Variants in BACH2 observed in about 807,000 individuals in gnomAD.
BACH2 encodes the protein transcription regulator protein BACH2.
Under a neutral mutation model 61.8 loss-of-function variants are expected in BACH2, and 5 were observed. That is an observed-to-expected ratio of 0.08 (90% CI 0.04 to 0.17). The LOEUF is 0.17. Ranked by LOEUF, BACH2 falls within the 10% of genes least tolerant of loss-of-function variation. The pLI is 1.00. For missense variants in BACH2, 824 were observed against 1,091.1 expected (o/e 0.76, Z 3.45); for synonymous variants, 446 against 440.1 (o/e 1.01, Z -0.17).
rs577183094 is a variant in BACH2, at chr6:90,054,180, C to T, written c.-13+34781G>A. ...AAGCAGGGGGAGGCATCGCCTCACT[C>T]GGGAAGTGCAAGGGGTCAGGGAATT... On this transcript the variant is annotated intron_variant, in intron 5 of 8. Transcript: ENST00000257749. Among the ~76,000 whole-genome samples, 34 of 152,170 alleles carry T rather than the reference C, an allele frequency of 2.2e-4. No individual in the cohort carries two copies. In the Middle Eastern group the frequency reaches 0.01, roughly 46 times the overall value.
chr6:89,994,053 G>A (rs1310992819), intron 6 of BACH2, among the ~76,000 whole-genome samples: 1 of 152,130 alleles, frequency 6.6e-6, no homozygotes, highest in African/African-American at 2.4e-5. Flanking sequence ...TGTACATTAT[G>A]CTTATTGAGT....
intron 4 of BACH2, among the ~76,000 whole-genome samples, chr6:90,171,299 G>A (rs1767803452): frequency 6.6e-6 from 1 of 152,018 alleles, no homozygotes; most frequent in African/African-American, 2.4e-5. Context: ...CGTAGTCTCA[G>A]CTAGTTGGGA....
rs149421027 is a variant in BACH2, at chr6:90,222,758, T to C, written c.-274-16077A>G. Among the ~76,000 whole-genome samples the C allele has an allele frequency of 3.2e-4, 49 of 152,266 alleles. No individual in the cohort carries two copies. The East Asian group carries it at 5.2e-3, about 16-fold the overall frequency. ...TTCTTTATGTCTCCTTGCCCCTAGT[T>C]TCAGTAAACAACCCCCTCTTAGCCT... is the stretch of plus-strand genomic sequence containing the variant. On this transcript the variant is annotated intron_variant, in intron 3 of 8. Coordinates refer to ENST00000257749, the MANE Select transcript of BACH2 (RefSeq NM_021813.4).
chr6:90,216,054 G>C (rs1047771812), intron 3 of BACH2, among the ~76,000 whole-genome samples: 7 of 152,256 alleles, frequency 4.6e-5, no homozygotes, highest in Admixed American at 2.0e-4. Flanking sequence ...AATGCAACAA[G>C]GGCACAACCA....
chr6:90,218,731 G>A (rs1485149855), intron 3 of BACH2, among the ~76,000 whole-genome samples: 1 of 152,052 alleles, frequency 6.6e-6, no homozygotes, highest in African/African-American at 2.4e-5. Context: ...GAAACGGGCC[G>A]TGAAAAGCAG....
intron 6 of BACH2, among the ~76,000 whole-genome samples, chr6:89,969,366 T>C (rs1021648871): frequency 1.3e-5 from 2 of 152,104 alleles, no homozygotes; most frequent in African/African-American, 4.8e-5. Flanking sequence ...AAATGTAGTC[T>C]TAAGAAGGTA....
intron 2 of BACH2, among the ~76,000 whole-genome samples, chr6:90,262,168 C>G (rs1366252851): frequency 2.6e-5 from 4 of 152,192 alleles, no homozygotes; most frequent in African/African-American, 9.7e-5. Context: ...ACTACCTTCT[C>G]CATGTTCCCA....
intron 4 of BACH2, among the ~76,000 whole-genome samples, chr6:90,096,800 C>T (rs1230161403): frequency 6.6e-6 from 1 of 152,198 alleles, no homozygotes; most frequent in Non-Finnish European, 1.5e-5. Context: ...GACATAGCCT[C>T]TTCTTCCCCA....
chr6:90,224,137 C>T (rs2127857407), intron 3 of BACH2, among the ~76,000 whole-genome samples: 1 of 152,268 alleles, frequency 6.6e-6, no homozygotes, highest in South Asian at 2.1e-4. Context: ...TCATAATATG[C>T]CTCAAAACTA....
intron 6 of BACH2, among the ~76,000 whole-genome samples, chr6:90,005,898 G>C (rs986819795): frequency 6.6e-6 from 1 of 152,156 alleles, no homozygotes; most frequent in African/African-American, 2.4e-5. Flanking sequence ...ATTTTACAGG[G>C]GGAGGAAGAA....
intron 6 of BACH2, among the ~76,000 whole-genome samples, chr6:89,968,703 A>C (rs1775180442): frequency 6.6e-6 from 1 of 152,206 alleles, no homozygotes; most frequent in Non-Finnish European, 1.5e-5. Context: ...AAGAAGCAAA[A>C]AATGTAGTTT....
intron 3 of BACH2, among the ~76,000 whole-genome samples, chr6:90,217,282 C>T (rs1374053748): frequency 1.3e-5 from 2 of 152,082 alleles, no homozygotes; most frequent in African/African-American, 2.4e-5. Flanking sequence ...GGAGTTTATA[C>T]GTGAAGTTCT....
At chr6:90,004,188 T>A (rs1345047548) in intron 6 of BACH2, among the ~76,000 whole-genome samples, 1 of 152,228 alleles carries the variant, frequency 6.6e-6, no homozygotes, top group Non-Finnish European at 1.5e-5. Flanking sequence ...ATGTTCTTTA[T>A]TGCAGCCTGT....
At chr6:89,948,933 T>C (rs1773908983) in intron 7 of BACH2, among the ~76,000 whole-genome samples, 1 of 152,112 alleles carries the variant, frequency 6.6e-6, no homozygotes, top group Non-Finnish European at 1.5e-5. Context: ...GCTAGGCAGT[T>C]AAGAGAGGGG....
chr6:90,282,150 ATGTT>A (rs1771876138), intron 1 of BACH2, among the ~76,000 whole-genome samples: 1 of 152,086 alleles, frequency 6.6e-6, no homozygotes, highest in Non-Finnish European at 1.5e-5. Context: ...TTCTTTGAAT[ATGTT>A]TGTCCATGTT....
Position 89,973,895 on chromosome 6 carries a change from TATTTCAG to T in BACH2, c.244-22040_244-22034del, listed in dbSNP as rs372794518. Among the ~76,000 whole-genome samples the T allele has an allele frequency of 6.9e-3, 1,048 of 152,286 alleles. 16 individuals are homozygous for T. The highest frequency in any genetic ancestry group is 0.023 in the African/African-American group (945 of 41,538). On this transcript the variant is annotated intron_variant, in intron 6 of 8. Coordinates refer to ENST00000257749, the MANE Select transcript of BACH2 (RefSeq NM_021813.4). ...AAGTGAAAGAAAAATGATGAAAATTTATTTCAGATTTCAGATTTCAGATATTCTCTCT... is the reference window on the plus strand; with the variant it reads ...AAGTGAAAGAAAAATGATGAAAATTTATTTCAGATTTCAGATATTCTCTCT...
intron 3 of BACH2, among the ~76,000 whole-genome samples, chr6:90,230,028 C>T (rs1188221740): frequency 3.9e-5 from 6 of 152,110 alleles, no homozygotes; most frequent in South Asian, 4.1e-4. Flanking sequence ...ACGCAATCCC[C>T]GACATTCTGA....
intron 5 of BACH2, among the ~76,000 whole-genome samples, chr6:90,055,300 CA>C (rs1213613685): frequency 6.6e-6 from 1 of 152,140 alleles, no homozygotes; most frequent in Admixed American, 6.5e-5. Flanking sequence ...AGCTGAAAAC[CA>C]AGGCACGAGA....
At chr6:89,978,519 C>T (rs1027527027) in intron 6 of BACH2, among the ~76,000 whole-genome samples, 2 of 151,038 alleles carry the variant, frequency 1.3e-5, no homozygotes, top group African/African-American at 2.4e-5. Context: ...GCCTAGAGAG[C>T]GAACTCTGCA....
Sources: gnomAD v4.1 joint callset for allele counts (sites outside exome capture counted in the v4.1 genomes callset) on GRCh38, gnomAD v4.1.1 for gene constraint, MANE v1.5 for transcripts, NCBI Gene and HGNC (gene_info 2026-07-23, HGNC 2026-07-21) for gene names.